NOC3L: variants seen among roughly 807,000 people sequenced by gnomAD.
NOC3L encodes the protein NOC3 like DNA replication regulator.
Under a neutral mutation model 102.5 loss-of-function variants are expected in NOC3L, and 85 were observed. That is an observed-to-expected ratio of 0.83 (90% CI 0.70 to 0.99). The LOEUF (loss-of-function observed/expected upper bound fraction) is 0.99. NOC3L is among the 50% of genes least tolerant of loss of function. The pLI, the probability that NOC3L is intolerant of heterozygous loss-of-function variation, is 0.00. For synonymous variants in NOC3L, 303 were observed against 309.4 expected (o/e 0.98, Z 0.22); for missense variants, 878 against 914.9 (o/e 0.96, Z 0.52).
chr10:94,320,752 TGTG>T, the NOC3L span, among the ~76,000 whole-genome samples: 2 of 152,214 alleles, frequency 1.3e-5, no homozygotes, highest in Admixed American at 1.3e-4. Flanking sequence ...CATTTGAAAA[TGTG>T]GTGGACAAAG....
At chr10:94,320,456 C>T in the NOC3L span, among the ~76,000 whole-genome samples, 1 of 152,320 alleles carries the variant, frequency 6.6e-6, no homozygotes, top group African/African-American at 2.4e-5. Context: ...GCCCTGGTTG[C>T]AGTTTTGGCG....
chr10:94,340,011 T>C lies in NOC3L; in HGVS notation c.1781-91A>G, dbSNP rs991962375. The C allele has an allele frequency of 6.1e-6, 7 of 1,144,850 alleles. 1 individual carries two copies. Among genetic ancestry groups the C allele is most frequent in the East Asian group, 4.8e-5 (2 of 41,692 alleles). The allele number at this position is 1,144,850 out of a possible 1,614,324, so 70.9% of individuals were successfully genotyped here. A position where few individuals can be genotyped will look rare whatever the true frequency, so the allele number is the denominator to read the frequency against. The stretch of plus-strand genomic sequence containing the variant: ...CTTCAGATAAACCCAAGATAAACTT[T>C]TGTACCTGTCCCAAACCATTTCTCT... On this transcript the variant is annotated intron_variant, in intron 16 of 20. Transcript: ENST00000371361.
chr10:94,323,850 A>G, the NOC3L span, among the ~76,000 whole-genome samples: 1 of 152,216 alleles, frequency 6.6e-6, no homozygotes, highest in Non-Finnish European at 1.5e-5. Context: ...AAATGCATCA[A>G]TGAAAGACAT....
rs34713827 is a variant in NOC3L, at chr10:94,340,500, T to TAA, written c.1645-6_1645-5dup. ...GACTTTCTTGATAGCTTAGGTCCTT[T>TAA]AAAAAAAAAAGGGGGGGGTGAGGGG... is the stretch of plus-strand genomic sequence containing the variant. On this transcript the variant is annotated splice_polypyrimidine_tract_variant and splice_region_variant and intron_variant, in intron 14 of 20. Coordinates refer to ENST00000371361, the MANE Select transcript of NOC3L (RefSeq NM_022451.11). 27 of 755,458 alleles carry TAA rather than the reference T, an allele frequency of 3.6e-5. No individual in the cohort carries two copies. The highest frequency in any genetic ancestry group is 1.6e-4 in the African/African-American group (7 of 44,330). 46.8% of individuals were successfully genotyped at this position (755,458 alleles called of 1,614,324 possible).
chr10:94,337,929 C>A (rs768525410), intron 18 of NOC3L, 55 bp from the exon 19 acceptor site: 3 of 1,278,080 alleles, frequency 2.3e-6, no homozygotes, highest in Non-Finnish European at 3.4e-6. Flanking sequence ...TTACAAAAAA[C>A]ACTAGCCACA....
the NOC3L span, among the ~76,000 whole-genome samples, chr10:94,319,671 A>C: frequency 6.6e-6 from 1 of 152,142 alleles, no homozygotes; most frequent in Non-Finnish European, 1.5e-5. Context: ...ATCTATATAC[A>C]AACTACCCTA....
At chr10:94,356,652 G>A in intron 4 of NOC3L, 61 bp from the exon 5 acceptor site, 1 of 987,360 alleles carries the variant, frequency 1.0e-6, no homozygotes, top group Middle Eastern at 2.1e-4. Context: ...AAACTGTAAA[G>A]AAATGCTAGG....
intron 14 of NOC3L, among the ~76,000 whole-genome samples, chr10:94,340,855 C>T (rs993139871): frequency 6.6e-6 from 1 of 151,922 alleles, no homozygotes. Flanking sequence ...GTGGTGGGCG[C>T]CTGTAGTCCC....
In NOC3L at chr10:94,339,665, A is replaced by G. The variant is rs2054259125; in HGVS notation, c.1962+74T>C. 4.3e-6 allele frequency: 5 copies of G among 1,156,588 alleles called. No homozygotes were observed. In the South Asian group the frequency reaches 4.7e-5, roughly 11 times the overall value. 71.6% of individuals were successfully genotyped at this position (1,156,588 alleles called of 1,614,324 possible). On this transcript the variant is annotated intron_variant, in intron 17 of 20. Coordinates refer to ENST00000371361, the MANE Select transcript of NOC3L (RefSeq NM_022451.11). ...TAATTGAAATAATATAAAAGGGGGG[A>G]AAAGACATGCCTCAAACAAAAAAAA...
At chr10:94,345,746 A>C in intron 11 of NOC3L, among the ~76,000 whole-genome samples, 1 of 152,186 alleles carries the variant, frequency 6.6e-6, no homozygotes, top group Non-Finnish European at 1.5e-5. Flanking sequence ...ACCCATTCAA[A>C]GATGAATATC....
intron 19 of NOC3L, among the ~76,000 whole-genome samples, chr10:94,335,321 A>G (rs1023887242): frequency 6.6e-6 from 1 of 152,170 alleles, no homozygotes; most frequent in Non-Finnish European, 1.5e-5. Flanking sequence ...CTTTGGGATA[A>G]GCTCATTCCT....
rs143267080 is a variant in NOC3L, at chr10:94,341,745, C to T, written c.1572G>A (p.Lys524=). The T allele has an allele frequency of 1.5e-5, 23 of 1,537,342 alleles. No homozygotes were observed. In the African/African-American group the frequency reaches 2.9e-4, roughly 19 times the overall value. The change falls in exon 14 of 21, where the codon AAG becomes AAA. Residue 524 remains lysine (K), a splice_region_variant and synonymous_variant. Coordinates refer to ENST00000371361, the MANE Select transcript of NOC3L (RefSeq NM_022451.11). ...ATTCCACATTTATAAGGTGAGCAAACCTGGAATCAAACAAAACAGTTAATC... is the reference window on the plus strand; with the variant it reads ...ATTCCACATTTATAAGGTGAGCAAATCTGGAATCAAACAAAACAGTTAATC... ...LLPAVLEGLA[K]FAHLINVEFF... is the part of the protein sequence containing the mutation.
intron 13 of NOC3L, among the ~76,000 whole-genome samples, chr10:94,342,287 A>C (rs1408050463): frequency 3.3e-5 from 5 of 152,172 alleles, no homozygotes; most frequent in African/African-American, 1.2e-4. Flanking sequence ...AATAGGGTTA[A>C]AGAAGAATCA....
the NOC3L span, among the ~76,000 whole-genome samples, chr10:94,327,724 ATCT>A: frequency 6.6e-5 from 10 of 152,176 alleles, no homozygotes; most frequent in African/African-American, 1.2e-4. Flanking sequence ...ATTTGATGTG[ATCT>A]TTTTTAAAAA....
the NOC3L span, chr10:94,324,898 C>T: frequency 3.1e-6 from 5 of 1,614,002 alleles, no homozygotes; most frequent in South Asian, 1.1e-5. Flanking sequence ...ACAGGCATCT[C>T]GAGAAGATAA....
Position 94,340,509 on chromosome 10 carries a change from A to C in NOC3L, c.1645-13T>G. ...GATAGCTTAGGTCCTTTAAAAAAAA[A>C]AGGGGGGGGTGAGGGGGATGGAATA... On this transcript the variant is annotated splice_polypyrimidine_tract_variant and intron_variant, in intron 14 of 20. Coordinates refer to ENST00000371361, the MANE Select transcript of NOC3L (RefSeq NM_022451.11). 1 of 971,012 alleles carries C rather than the reference A, an allele frequency of 1.0e-6. No individual in the cohort carries two copies. Among genetic ancestry groups the C allele is most frequent in the Non-Finnish European group, 1.5e-6 (1 of 649,748 alleles). 60.1% of individuals were successfully genotyped at this position (971,012 alleles called of 1,614,324 possible).
At chr10:94,345,006 A>G (rs1414240952) in intron 11 of NOC3L, 73 bp from the exon 12 acceptor site, 1 of 991,422 alleles carries the variant, frequency 1.0e-6, no homozygotes. Context: ...CAGAATACGT[A>G]AATGTCATAA....
At chr10:94,325,110 G>C in the NOC3L span, 10 of 1,583,198 alleles carry the variant, frequency 6.3e-6, no homozygotes, top group Admixed American at 1.7e-4. Context: ...CCCAGGTATA[G>C]TAAGTCATTG....
At chr10:94,338,875 T>TA (rs1296838768) in intron 17 of NOC3L, 139 bp from the exon 18 acceptor site, 15 of 609,500 alleles carry the variant, frequency 2.5e-5, no homozygotes, top group East Asian at 1.0e-4. Context: ...CTAGATTTAA[T>TA]AAAAAACAAT....
Sources: allele counts gnomAD v4.1 joint callset (sites outside exome capture counted in the v4.1 genomes callset), GRCh38; gene constraint gnomAD v4.1.1; transcripts MANE v1.5; gene names NCBI Gene and HGNC (gene_info 2026-07-23, HGNC 2026-07-21).